ADARB2: variants seen among roughly 807,000 people sequenced by gnomAD.
ADARB2 encodes the protein adenosine deaminase RNA specific B2 (inactive), also known as inactive double-stranded RNA-specific editase B2.
Under a neutral mutation model 62.2 loss-of-function variants are expected in ADARB2, and 25 were observed. The observed-to-expected ratio is 0.40, with a 90% CI of 0.29 to 0.56. ADARB2 has a LOEUF of 0.56. Among genes scored for constraint, ADARB2 ranks in the 20% least tolerant of loss-of-function variants. ADARB2 has a pLI of 0.43. For missense variants in ADARB2, 1,071 were observed against 1,077.4 expected (o/e 0.99, Z 0.08); for synonymous variants, 572 against 500.8 (o/e 1.14, Z -1.90).
intron 1 of ADARB2, among the ~76,000 whole-genome samples, chr10:1,615,413 T>C (rs984870556): frequency 4.6e-5 from 7 of 152,208 alleles, no homozygotes; most frequent in African/African-American, 1.4e-4. Flanking sequence ...CAGGACTCAC[T>C]GCCATCGCCA....
At chr10:1,383,215 A>G (rs944739068) in intron 1 of ADARB2, among the ~76,000 whole-genome samples, 1 of 152,210 alleles carries the variant, frequency 6.6e-6, no homozygotes, top group Non-Finnish European at 1.5e-5. Context: ...TGGCATCTGC[A>G]ACACTGAGGT....
At chr10:1,257,752 C>T (rs763825463) in intron 4 of ADARB2, among the ~76,000 whole-genome samples, 12 of 152,188 alleles carry the variant, frequency 7.9e-5, no homozygotes, top group East Asian at 1.9e-4. Context: ...CAGGTTCCAA[C>T]GTGGATGTGT....
intron 4 of ADARB2, among the ~76,000 whole-genome samples, chr10:1,256,428 G>T (rs1831079869): frequency 6.6e-6 from 1 of 152,140 alleles, no homozygotes; most frequent in Middle Eastern, 3.2e-3. Context: ...AAACCACAGG[G>T]GCCTGAATGG....
intron 1 of ADARB2, among the ~76,000 whole-genome samples, chr10:1,462,693 G>A (rs1421006692): frequency 6.6e-6 from 1 of 151,104 alleles, no homozygotes; most frequent in Non-Finnish European, 1.5e-5. Context: ...GTGCATGTGT[G>A]TGTGCCTGTG....
intron 3 of ADARB2, among the ~76,000 whole-genome samples, chr10:1,299,413 A>T (rs1831553614): frequency 6.6e-6 from 1 of 152,078 alleles, no homozygotes; most frequent in Admixed American, 6.5e-5. Flanking sequence ...GTGAAGATCT[A>T]GCAGACTCCA....
intron 1 of ADARB2, among the ~76,000 whole-genome samples, chr10:1,458,229 C>A (rs1000705618): frequency 2.6e-5 from 4 of 152,056 alleles, no homozygotes; most frequent in African/African-American, 9.7e-5. Flanking sequence ...ACAGCGTGCA[C>A]CCACATTTAA....
rs1260536279 is a variant in ADARB2, at chr10:1,610,745, GGC to G, written c.100+126304_100+126305del. On this transcript the variant is annotated intron_variant, in intron 1 of 9. Transcript: ENST00000381312. ...GCAGGACTGTTCATGGAGATGGGCA[GGC>G]GCACACACACACACACACACACATG... Among the ~76,000 whole-genome samples the G allele has an allele frequency of 4.4e-5, 5 of 112,374 alleles. No individual in the cohort carries two copies. The South Asian group carries it at 8.2e-4, about 18-fold the overall frequency. The allele number at this position is 112,374 out of a possible 152,430, so 73.7% of individuals were successfully genotyped here.
chr10:1,336,985 C>T (rs978821575), intron 3 of ADARB2, among the ~76,000 whole-genome samples: 32 of 151,968 alleles, frequency 2.1e-4, no homozygotes, highest in Admixed American at 8.5e-4. Flanking sequence ...CAAAAATCAA[C>T]GGACAGGAGA....
intron 1 of ADARB2, among the ~76,000 whole-genome samples, chr10:1,597,879 A>C (rs1833354591): frequency 6.6e-6 from 1 of 152,254 alleles, no homozygotes; most frequent in Non-Finnish European, 1.5e-5. Context: ...CTAAGTGTCC[A>C]TCAGCAATGC....
At chr10:1,498,867 ATCAT>A (rs1758071286) in intron 1 of ADARB2, among the ~76,000 whole-genome samples, 3 of 151,698 alleles carry the variant, frequency 2.0e-5, no homozygotes, top group Non-Finnish European at 2.9e-5. Flanking sequence ...CTCATCATTT[ATCAT>A]TCAGTCATTA....
chr10:1,385,213 C>G (rs1832515810), intron 1 of ADARB2, among the ~76,000 whole-genome samples: 1 of 152,006 alleles, frequency 6.6e-6, no homozygotes, highest in Non-Finnish European at 1.5e-5. Flanking sequence ...ATGGTATCCA[C>G]AAAGCCCAGC....
chr10:1,515,717 A>C (rs1832000319), intron 1 of ADARB2, among the ~76,000 whole-genome samples: 1 of 152,202 alleles, frequency 6.6e-6, no homozygotes, highest in Non-Finnish European at 1.5e-5. Context: ...GTGGCCAAGG[A>C]AAAAGTAACT....
At chr10:1,632,434 T>TTGCACACACATGCACACTACACATG (rs572991132) in intron 1 of ADARB2, among the ~76,000 whole-genome samples, 1 of 151,866 alleles carries the variant, frequency 6.6e-6, no homozygotes, top group Non-Finnish European at 1.5e-5. Flanking sequence ...ACACAAGTGC[T>TTGCACACACATGCACACTACACATG]TGCACACACA....
At chr10:1,727,649 A>C (rs1462408739) in intron 1 of ADARB2, among the ~76,000 whole-genome samples, 2 of 152,226 alleles carry the variant, frequency 1.3e-5, no homozygotes, top group Admixed American at 6.5e-5. Flanking sequence ...AAGGAAATAC[A>C]ATAGAAATCT....
At chr10:1,641,999 C>T (rs140867905) in intron 1 of ADARB2, among the ~76,000 whole-genome samples, 2,112 of 136,266 alleles carry the variant, frequency 0.015, 59 homozygotes, top group African/African-American at 0.049. Context: ...GGCTACAGAG[C>T]GAGACTCCAT....
At chr10:1,671,989 C>T (rs1834391138) in intron 1 of ADARB2, among the ~76,000 whole-genome samples, 1 of 151,720 alleles carries the variant, frequency 6.6e-6, no homozygotes, top group African/African-American at 2.4e-5. Context: ...ATGCACACTT[C>T]GGGGGGCGGA....
chr10:1,347,366 G>A (rs777959777), intron 3 of ADARB2, among the ~76,000 whole-genome samples: 6 of 152,220 alleles, frequency 3.9e-5, no homozygotes, highest in East Asian at 3.8e-4. Context: ...GCATCTGCCC[G>A]TTTCATTCTC....
chr10:1,584,135 A>C (rs1833143761), intron 1 of ADARB2, among the ~76,000 whole-genome samples: 1 of 152,226 alleles, frequency 6.6e-6, no homozygotes, highest in Non-Finnish European at 1.5e-5. Context: ...AAAATCAATA[A>C]ATGGGACTTA....
rs1348297816 is a variant in ADARB2, at chr10:1,363,416, G to T, written c.689C>A (p.Pro230Gln). ...TCCCGCGAGTCCGGGGCGCGGCGCCGGGGGCTCGAACTCCTGGAAGAGCGT... is the reference window on the plus strand; with the variant it reads ...TCCCGCGAGTCCGGGGCGCGGCGCCTGGGGCTCGAACTCCTGGAAGAGCGT... ...PDTLFQEFEP[P>Q]APRPGLAGGR... The change falls in exon 3 of 10, where the codon CCG becomes CAG. Residue 230 changes from proline (P) to glutamine (Q), a missense_variant. Transcript: ENST00000381312. 1.5e-6 allele frequency: 2 copies of T among 1,363,168 alleles called. No homozygotes were observed. The highest frequency in any genetic ancestry group is 1.9e-4 in the Middle Eastern group (1 of 5,188). The allele number at this position is 1,363,168 out of a possible 1,614,324, so 84.4% of individuals were successfully genotyped here.
Sources: gnomAD v4.1 joint callset for allele counts (sites outside exome capture counted in the v4.1 genomes callset) on GRCh38, gnomAD v4.1.1 for gene constraint, MANE v1.5 for transcripts, NCBI Gene and HGNC (gene_info 2026-07-23, HGNC 2026-07-21) for gene names.